NR2F1-AS1: variants seen among roughly 807,000 people sequenced by gnomAD.
NR2F1-AS1 encodes the protein NR2F1 antisense RNA 1.
intron 4 of NR2F1-AS1, among the ~76,000 whole-genome samples, chr5:93,462,822 G>A (rs1277564701): frequency 1.3e-5 from 2 of 152,104 alleles, no homozygotes; most frequent in East Asian, 3.9e-4. Flanking sequence ...AACTTGAGGG[G>A]GATGATTTAG....
chr5:93,581,186 G>A (rs1158841976), upstream of NR2F1-AS1: 1 of 152,198 alleles, frequency 6.6e-6, no homozygotes, highest in African/African-American at 2.4e-5. Flanking sequence ...TTTACCTGAG[G>A]GCGTGTTGGC....
intron 4 of NR2F1-AS1, among the ~76,000 whole-genome samples, chr5:93,490,836 G>GGTGGTGCA (rs1750824087): frequency 1.3e-5 from 2 of 151,234 alleles, no homozygotes; most frequent in Non-Finnish European, 2.9e-5. Context: ...TAGTGGTGGT[G>GGTGGTGCA]GTGGTGGTGC....
At chr5:93,563,958 CT>C (rs1216199609) in intron 1 of NR2F1-AS1, among the ~76,000 whole-genome samples, 2 of 151,630 alleles carry the variant, frequency 1.3e-5, no homozygotes, top group Non-Finnish European at 2.9e-5. Context: ...AAAAATTAGC[CT>C]GGCGTAGTGG....
intron 4 of NR2F1-AS1, among the ~76,000 whole-genome samples, chr5:93,444,340 A>C (rs1054470268): frequency 1.3e-4 from 20 of 152,322 alleles, no homozygotes; most frequent in South Asian, 1.0e-3. Context: ...GGCTCAAAAT[A>C]AAGGGATGGA....
intron 4 of NR2F1-AS1, among the ~76,000 whole-genome samples, chr5:93,498,178 A>C (rs1444565712): frequency 6.6e-6 from 1 of 151,946 alleles, no homozygotes; most frequent in Non-Finnish European, 1.5e-5. Flanking sequence ...ATAATAAATA[A>C]ATAAATAAAT....
At chr5:93,531,047 G>A (rs1204234133) in intron 4 of NR2F1-AS1, among the ~76,000 whole-genome samples, 1 of 152,066 alleles carries the variant, frequency 6.6e-6, no homozygotes, top group Non-Finnish European at 1.5e-5. Flanking sequence ...ATCCTGGCTG[G>A]AAGTGAATAA....
intron 4 of NR2F1-AS1, among the ~76,000 whole-genome samples, chr5:93,490,359 A>G (rs1284481573): frequency 6.6e-6 from 1 of 152,250 alleles, no homozygotes; most frequent in Non-Finnish European, 1.5e-5. Flanking sequence ...AAAAACTTTT[A>G]GAAACAAGCC....
chr5:93,559,850 C>G (rs1451522869), intron 2 of NR2F1-AS1, among the ~76,000 whole-genome samples: 1 of 152,142 alleles, frequency 6.6e-6, no homozygotes, highest in Admixed American at 6.5e-5. Flanking sequence ...ACAGATCACC[C>G]TAACAGATAC....
At chr5:93,508,111 C>A (rs1488405726) in intron 4 of NR2F1-AS1, among the ~76,000 whole-genome samples, 2 of 152,224 alleles carry the variant, frequency 1.3e-5, no homozygotes, top group East Asian at 1.9e-4. Context: ...CAGAACTTGA[C>A]AATGTGACCC....
At chr5:93,535,523 G>A (rs1751821074) in intron 4 of NR2F1-AS1, among the ~76,000 whole-genome samples, 1 of 151,728 alleles carries the variant, frequency 6.6e-6, no homozygotes, top group Non-Finnish European at 1.5e-5. Flanking sequence ...TAAGAAGCAA[G>A]AAATAAAAAG....
At chr5:93,432,347 T>C (rs375827565) in intron 4 of NR2F1-AS1, 3 of 152,212 alleles carry the variant, frequency 2.0e-5, no homozygotes, top group African/African-American at 7.2e-5. Flanking sequence ...ATTTGCTGCA[T>C]ATTTTCCAAG....
intron 4 of NR2F1-AS1, among the ~76,000 whole-genome samples, chr5:93,440,798 C>T (rs1430994693): frequency 6.6e-6 from 1 of 152,170 alleles, no homozygotes; most frequent in Non-Finnish European, 1.5e-5. Flanking sequence ...GCAGTTTCAG[C>T]ACTACCAGCT....
rs922235827 is a variant in NR2F1-AS1, at chr5:93,465,176, C to T, written n.639-69634G>A. On this transcript the variant is annotated intron_variant and non_coding_transcript_variant, in intron 4 of 5. Coordinates refer to ENST00000660523, the Ensembl canonical transcript of NR2F1-AS1. The stretch of plus-strand genomic sequence containing the variant: ...GGAGAAAATTTTTGCAATCTACTCA[C>T]CTGTCAAAGGGCTAATATCCAGAAT... Among the ~76,000 whole-genome samples the T allele has an allele frequency of 8.5e-5, 13 of 152,222 alleles. No individual in the cohort carries two copies. In the East Asian group the frequency reaches 9.7e-4, roughly 11 times the overall value.
rs146737209 is a variant in NR2F1-AS1 at position 93,439,716 on chromosome 5, G to A, written n.639-44174C>T. The stretch of plus-strand genomic sequence containing the variant: ...ATCTCTCATCCATGATGTTTTCTCT[G>A]CCTTGAACAGATTTTCTTGGCTTTT... On this transcript the variant is annotated intron_variant and non_coding_transcript_variant, in intron 4 of 5. Transcript: ENST00000660523. 3.0e-4 allele frequency among the ~76,000 whole-genome samples: 45 copies of A among 152,238 alleles called. No homozygotes were observed. The East Asian group carries it at 8.1e-3, about 27-fold the overall frequency.
At chr5:93,583,309 TC>T (rs1753159424), upstream of NR2F1-AS1, 1 of 150,776 alleles carries the variant, frequency 6.6e-6, no homozygotes, top group Non-Finnish European at 1.5e-5. Context: ...TTCTCTTCTC[TC>T]TCTCTCTCTC....
chr5:93,429,410 T>C (rs1176519408), intron 4 of NR2F1-AS1, among the ~76,000 whole-genome samples: 1 of 152,240 alleles, frequency 6.6e-6, no homozygotes, highest in Non-Finnish European at 1.5e-5. Context: ...GCTTACAAAA[T>C]ATCCCTTACC....
At chr5:93,491,948 G>A (rs1750858346) in intron 4 of NR2F1-AS1, among the ~76,000 whole-genome samples, 2 of 152,086 alleles carry the variant, frequency 1.3e-5, no homozygotes, top group African/African-American at 4.8e-5. Flanking sequence ...AATCACATAA[G>A]CCAATTCCCA....
At chr5:93,566,653 G>A (rs1432739742) in intron 1 of NR2F1-AS1, among the ~76,000 whole-genome samples, 1 of 151,894 alleles carries the variant, frequency 6.6e-6, no homozygotes, top group Non-Finnish European at 1.5e-5. Flanking sequence ...GTATAAATTG[G>A]TAGAACCTTT....
At chr5:93,476,957 G>C (rs1354374199) in intron 4 of NR2F1-AS1, among the ~76,000 whole-genome samples, 3 of 152,152 alleles carry the variant, frequency 2.0e-5, no homozygotes, top group Non-Finnish European at 4.4e-5. Context: ...AAAGAAGGCT[G>C]CACTAAGTTT....
Sources: gnomAD v4.1 joint callset for allele counts (sites outside exome capture counted in the v4.1 genomes callset) on GRCh38, gnomAD v4.1.1 for gene constraint, MANE v1.5 for transcripts, NCBI Gene and HGNC (gene_info 2026-07-23, HGNC 2026-07-21) for gene names.